Variants in ATP2B4 observed in about 807,000 individuals in gnomAD.
ATP2B4 encodes the protein plasma membrane calcium-transporting ATPase 4.
Under a neutral mutation model 110.3 loss-of-function variants are expected in ATP2B4, and 39 were observed. The observed-to-expected ratio is 0.35, with a 90% CI of 0.27 to 0.46. The LOEUF is 0.46. Among genes scored for constraint, ATP2B4 ranks in the 20% least tolerant of loss-of-function variants. ATP2B4 has a pLI of 1.00. For missense variants in ATP2B4, 1,135 were observed against 1,530.9 expected (o/e 0.74, Z 4.32); for synonymous variants, 538 against 571.7 (o/e 0.94, Z 0.84).
At chr1:203,698,448 T>C in intron 3 of ATP2B4, 94 bp downstream of exon 3, 1 of 1,354,312 alleles carries the variant, frequency 7.4e-7, no homozygotes, top group Non-Finnish European at 1.0e-6. Context: ...AGGTTATAGC[T>C]TAAAACATTT....
At chr1:203,699,855 T>G in intron 4 of ATP2B4, 138 bp downstream of exon 4, 1 of 1,419,960 alleles carries the variant, frequency 7.0e-7, no homozygotes, top group African/African-American at 1.4e-5. Context: ...TAGGTTAGAG[T>G]TTAAAGAGGT....
intron 1 of ATP2B4, among the ~76,000 whole-genome samples, chr1:203,654,414 T>A (rs1664096695): frequency 6.6e-6 from 1 of 152,230 alleles, no homozygotes; most frequent in Non-Finnish European, 1.5e-5. Context: ...GTTTTCATGC[T>A]TGCTAACACA....
intron 7 of ATP2B4, among the ~76,000 whole-genome samples, chr1:203,703,161 A>T (rs1326609003): frequency 7.8e-6 from 1 of 127,568 alleles, no homozygotes; most frequent in South Asian, 2.8e-4. Context: ...CTTCCCTGAC[A>T]ATCGAGAGAG....
intron 5 of ATP2B4, 121 bp downstream of exon 5, chr1:203,700,452 C>A (rs1665658325): frequency 1.5e-6 from 2 of 1,347,108 alleles, no homozygotes; most frequent in East Asian, 2.4e-5. Flanking sequence ...TCAGCTGGGG[C>A]AACAGCATTT....
At chr1:203,703,267 G>A (rs1295672303) in intron 7 of ATP2B4, among the ~76,000 whole-genome samples, 1 of 151,952 alleles carries the variant, frequency 6.6e-6, no homozygotes, top group Non-Finnish European at 1.5e-5. Flanking sequence ...GCCCCTTTCT[G>A]CAGTAAAGAT....
chr1:203,682,571 C>T (rs909537325), intron 1 of ATP2B4, among the ~76,000 whole-genome samples, 171 bp from the exon 2 acceptor site: 17 of 139,482 alleles, frequency 1.2e-4, no homozygotes, highest in African/African-American at 4.5e-4. Context: ...AAGGAACGGG[C>T]CTCTCTTGAG....
intron 7 of ATP2B4, 85 bp from the exon 8 acceptor site, chr1:203,703,567 A>G: frequency 1.4e-6 from 2 of 1,471,838 alleles, no homozygotes; most frequent in Non-Finnish European, 1.9e-6. Flanking sequence ...GGAAAGAGAC[A>G]GGAAGGTTTT....
At chr1:203,650,576 C>T (rs1438696079) in intron 1 of ATP2B4, among the ~76,000 whole-genome samples, 3 of 152,214 alleles carry the variant, frequency 2.0e-5, no homozygotes, top group Admixed American at 2.0e-4. Context: ...CAGCTGAGCC[C>T]GGCGCCTGCG....
chr1:203,706,639 A>AG (rs1665856274), intron 8 of ATP2B4, among the ~76,000 whole-genome samples: 1 of 152,168 alleles, frequency 6.6e-6, no homozygotes, highest in African/African-American at 2.4e-5. Flanking sequence ...TATGAATCGC[A>AG]GGGAGAGGGT....
At chr1:203,639,737 G>A (rs1663569060) in intron 1 of ATP2B4, among the ~76,000 whole-genome samples, 1 of 152,188 alleles carries the variant, frequency 6.6e-6, no homozygotes, top group African/African-American at 2.4e-5. Context: ...CGCTCGGTTG[G>A]CCTCCCAGTG....
chr1:203,705,541 A>G (rs1464326287), intron 8 of ATP2B4, among the ~76,000 whole-genome samples: 3 of 152,198 alleles, frequency 2.0e-5, no homozygotes, highest in Non-Finnish European at 4.4e-5. Context: ...GTGCATCACC[A>G]TGCCTGGCTA....
At chr1:203,633,350 A>C (rs1337384217) in intron 1 of ATP2B4, among the ~76,000 whole-genome samples, 2 of 152,180 alleles carry the variant, frequency 1.3e-5, no homozygotes, top group African/African-American at 4.8e-5. Context: ...ATCCTACCAC[A>C]CTGGGAGGCC....
chr1:203,629,395 C>T lies in ATP2B4; in HGVS notation c.-465+2176C>T, dbSNP rs1663191190. On this transcript the variant is annotated intron_variant, in intron 1 of 20. Coordinates refer to ENST00000357681, the MANE Select transcript of ATP2B4 (RefSeq NM_001684.5). This position sits in a 1 kb window ranked among gnomAD's most constrained non-coding sequence, Gnocchi z 4.6. Reference sequence around the variant, plus strand: ...CCTCCCATCGTGGAGGCTCAGAGTGCAGCTATTCCTGCAGCCGGCCTTCCT... The same window carrying T: ...CCTCCCATCGTGGAGGCTCAGAGTGTAGCTATTCCTGCAGCCGGCCTTCCT... 6.6e-6 allele frequency among the ~76,000 whole-genome samples: 1 copy of T among 152,232 alleles called. No individual in the cohort carries two copies. The highest frequency in any genetic ancestry group is 1.9e-4 in the East Asian group (1 of 5,196).
In ATP2B4 at chr1:203,688,500, C is replaced by T. The variant is rs1665271097; in HGVS notation, c.193+5102C>T. On this transcript the variant is annotated intron_variant, in intron 2 of 20. Transcript: ENST00000357681. ...TTTTTTTTGTAGAGACAGGGTCTCTCCATGTTGCCCAGGGTGGTCCTGAAC... is the reference window on the plus strand; with the variant it reads ...TTTTTTTTGTAGAGACAGGGTCTCTTCATGTTGCCCAGGGTGGTCCTGAAC... Among the ~76,000 whole-genome samples the T allele has an allele frequency of 2.0e-5, 3 of 151,780 alleles. No individual in the cohort carries two copies. In the South Asian group the frequency reaches 6.2e-4, roughly 32 times the overall value.
intron 1 of ATP2B4, among the ~76,000 whole-genome samples, chr1:203,640,817 T>TATA (rs1245896894): frequency 2.0e-5 from 3 of 152,172 alleles, no homozygotes; most frequent in African/African-American, 7.2e-5. Flanking sequence ...GATGCACCCT[T>TATA]AGTTTAGCCC....
intron 9 of ATP2B4, among the ~76,000 whole-genome samples, chr1:203,707,475 C>T (rs933207153): frequency 3.3e-5 from 5 of 150,836 alleles, no homozygotes; most frequent in Non-Finnish European, 7.4e-5. Flanking sequence ...AAGACAGAGT[C>T]TCATTCTGTC....
At chr1:203,644,160 G>T (rs1004442719) in intron 1 of ATP2B4, among the ~76,000 whole-genome samples, 2 of 150,478 alleles carry the variant, frequency 1.3e-5, no homozygotes, top group African/African-American at 2.4e-5. Flanking sequence ...TGAGGCAGGA[G>T]AATTGCTTGA....
At chr1:203,672,301 T>G (rs1180919318) in intron 1 of ATP2B4, among the ~76,000 whole-genome samples, 1 of 150,762 alleles carries the variant, frequency 6.6e-6, no homozygotes, top group Non-Finnish European at 1.5e-5. Context: ...CCTGTTTTTG[T>G]TCCTGAGTAA....
At position 203,732,157 on chromosome 1, in the gene ATP2B4, CAAAAAAAAA is replaced by C. The variant is rs567953858; in HGVS notation, c.3309+4597_3309+4605del. Among the ~76,000 whole-genome samples the C allele has an allele frequency of 6.2e-5, 3 of 48,112 alleles. No homozygotes were observed. The East Asian group carries it at 1.8e-3, about 29-fold the overall frequency. 31.6% of individuals were successfully genotyped at this position (48,112 alleles called of 152,430 possible). On this transcript the variant is annotated intron_variant, in intron 20 of 20. Coordinates refer to ENST00000357681, the MANE Select transcript of ATP2B4 (RefSeq NM_001684.5). Reference sequence around the variant, plus strand: ...GCACCTTGCACTCCAGCCTGGGTGTCAAAAAAAAAAAAAAAAAAAGGAAGGAAGGAAGAA... The same window carrying C: ...GCACCTTGCACTCCAGCCTGGGTGTCAAAAAAAAAAGGAAGGAAGGAAGAA...
Sources: gnomAD v4.1 joint callset for allele counts (sites outside exome capture counted in the v4.1 genomes callset) on GRCh38, gnomAD v4.1.1 for gene constraint, Gnocchi (gnomAD v3.1) non-coding constraint, MANE v1.5 for transcripts, NCBI Gene and HGNC (gene_info 2026-07-23, HGNC 2026-07-21) for gene names.